Variants in RAPGEF4 observed in about 807,000 individuals in gnomAD.
RAPGEF4 encodes RAP guanine-nucleotide-exchange factor (GEF) 4.
In RAPGEF4, 66 loss-of-function variants were observed where a neutral mutation model predicts 147.9. The ratio of observed to expected loss-of-function variants is 0.45; its 90% confidence interval spans 0.37 to 0.55. The LOEUF is 0.55. RAPGEF4 is among the 20% of genes least tolerant of loss of function. The probability of loss-of-function intolerance (pLI) is 0.00; values close to 1 mark genes in which losing one functional copy is unlikely to be tolerated. For synonymous variants in RAPGEF4, 419 were observed against 442.7 expected, an observed-to-expected ratio of 0.95 and a Z score of 0.67; for missense variants, 1,071 against 1,257.3, an observed-to-expected ratio of 0.85 and a Z score of 2.24.
rs567925621 is a variant in RAPGEF4 at position 172,841,563 on chromosome 2, T to C, written c.444+27138T>C. 4.8e-4 allele frequency among the ~76,000 whole-genome samples: 73 copies of C among 152,254 alleles called. No homozygotes were observed. The South Asian group carries it at 0.011, about 23-fold the overall frequency. ...TTCATGAAGCTTATCCAATGACAGCTGTCTAGGGTGCATGACCTCCATTTT... is the reference window on the plus strand; with the variant it reads ...TTCATGAAGCTTATCCAATGACAGCCGTCTAGGGTGCATGACCTCCATTTT... On this transcript the variant is annotated intron_variant, in intron 4 of 30. Coordinates refer to ENST00000397081, the MANE Select transcript of RAPGEF4 (RefSeq NM_007023.4).
At chr2:172,738,612 C>A (rs1249406043) in intron 1 of RAPGEF4, among the ~76,000 whole-genome samples, 1 of 150,132 alleles carries the variant, frequency 6.7e-6, no homozygotes, top group Non-Finnish European at 1.5e-5. Context: ...GTGACCAAAT[C>A]TAGAGTATAG....
At chr2:172,808,891 G>T (rs1390597049) in intron 3 of RAPGEF4, among the ~76,000 whole-genome samples, 1 of 152,168 alleles carries the variant, frequency 6.6e-6, no homozygotes, top group African/African-American at 2.4e-5. Flanking sequence ...TAGCCTCCAC[G>T]TGGGAGTCCT....
chr2:172,752,605 A>G (rs1695400404), intron 1 of RAPGEF4, among the ~76,000 whole-genome samples: 1 of 152,174 alleles, frequency 6.6e-6, no homozygotes, highest in Admixed American at 6.5e-5. Flanking sequence ...TTTACATTCT[A>G]TTTACCAAAA....
At chr2:172,987,528 G>A (rs1331485269) in intron 12 of RAPGEF4, among the ~76,000 whole-genome samples, 1 of 152,138 alleles carries the variant, frequency 6.6e-6, no homozygotes, top group Non-Finnish European at 1.5e-5. Flanking sequence ...AAAAAAGAAA[G>A]TGGATGGTTG....
chr2:172,996,188 T>C (rs1395293119), intron 15 of RAPGEF4, among the ~76,000 whole-genome samples: 1 of 152,220 alleles, frequency 6.6e-6, no homozygotes, highest in Admixed American at 6.5e-5. Context: ...GTTTCTCAGT[T>C]CCCAGCCTGC....
intron 17 of RAPGEF4, among the ~76,000 whole-genome samples, chr2:173,012,867 T>C (rs545461142): frequency 3.2e-4 from 48 of 152,294 alleles, no homozygotes; most frequent in African/African-American, 1.1e-3. Flanking sequence ...TAAAAAATGG[T>C]CATAAAATAT....
At chr2:172,919,047 G>A (rs1003445646) in intron 5 of RAPGEF4, among the ~76,000 whole-genome samples, 3 of 152,156 alleles carry the variant, frequency 2.0e-5, no homozygotes, top group African/African-American at 7.2e-5. Flanking sequence ...AGGAGGGTGG[G>A]AGGGACAGGT....
chr2:172,906,689 C>G (rs1402426967), intron 4 of RAPGEF4, among the ~76,000 whole-genome samples: 1 of 152,196 alleles, frequency 6.6e-6, no homozygotes, highest in Non-Finnish European at 1.5e-5. Flanking sequence ...TCCTCCTTGG[C>G]AGTGGACAGC....
chr2:172,820,167 G>C (rs1178964757), intron 4 of RAPGEF4, among the ~76,000 whole-genome samples: 2 of 152,152 alleles, frequency 1.3e-5, no homozygotes, highest in Non-Finnish European at 2.9e-5. Context: ...GAAATTGAAT[G>C]AGGTGATGAG....
intron 8 of RAPGEF4, among the ~76,000 whole-genome samples, chr2:172,964,597 T>G (rs1689641174): frequency 6.6e-6 from 1 of 152,060 alleles, no homozygotes; most frequent in Admixed American, 6.5e-5. Context: ...CCTTAGCCCG[T>G]GCCCCAGAGG....
intron 1 of RAPGEF4, among the ~76,000 whole-genome samples, chr2:172,782,628 C>T (rs16860869): frequency 0.016 from 2,422 of 152,244 alleles, 28 homozygotes; most frequent in South Asian, 0.043. Flanking sequence ...AGAGCCTTTG[C>T]TTACTATGGT....
intron 4 of RAPGEF4, among the ~76,000 whole-genome samples, chr2:172,820,116 G>A (rs1003645678): frequency 7.9e-5 from 12 of 152,116 alleles, no homozygotes; most frequent in African/African-American, 2.4e-4. Context: ...TCAGGTTTGT[G>A]GCATGTTTTG....
chr2:172,970,384 A>T (rs1314116221), intron 10 of RAPGEF4, among the ~76,000 whole-genome samples: 1 of 152,180 alleles, frequency 6.6e-6, no homozygotes, highest in African/African-American at 2.4e-5. Context: ...GTGCTAAGTC[A>T]TTAAGAAATG....
At chr2:172,946,748 A>C (rs561753709) in intron 6 of RAPGEF4, among the ~76,000 whole-genome samples, 1 of 152,306 alleles carries the variant, frequency 6.6e-6, no homozygotes, top group Admixed American at 6.5e-5. Flanking sequence ...TCTATAAAAT[A>C]CTTGTGTATA....
chr2:173,017,452 T>C lies in RAPGEF4; in HGVS notation c.1956T>C (p.Asn652=), dbSNP rs1695610728. Residue 652 remains asparagine, a synonymous_variant, in exon 21 of 31, where the codon AAT becomes AAC. Coordinates refer to ENST00000397081, the MANE Select transcript of RAPGEF4 (RefSeq NM_007023.4). ...ACAAGGTTCTTTTGCAACAGTTCAA[T>C]ACGGGCGATGAGAGAGCCCAGAAGC... ...KKHKVLLQQF[N]TGDERAQKRQ... The C allele has an allele frequency of 1.9e-6, 3 of 1,614,202 alleles. No individual in the cohort carries two copies. The highest frequency in any genetic ancestry group is 2.5e-6 in the Non-Finnish European group (3 of 1,180,026).
Position 172,980,241 on chromosome 2 carries a change from G to T in RAPGEF4, c.1005-3255G>T, listed in dbSNP as rs369630542. On this transcript the variant is annotated intron_variant, in intron 10 of 30. Transcript: ENST00000397081. Reference sequence around the variant, plus strand: ...AAGGAAGTTAAGATCTGGTTTCCAGGAGCGTTGTGTGATGAAGAGGGAGCA... The same window carrying T: ...AAGGAAGTTAAGATCTGGTTTCCAGTAGCGTTGTGTGATGAAGAGGGAGCA... Among the ~76,000 whole-genome samples the T allele has an allele frequency of 1.3e-4, 20 of 152,278 alleles. 1 individual carries two copies. Among genetic ancestry groups the T allele is most frequent in the African/African-American group, 4.3e-4 (18 of 41,566 alleles).
chr2:172,940,935 A>G (rs534978523), intron 6 of RAPGEF4, among the ~76,000 whole-genome samples: 1 of 152,304 alleles, frequency 6.6e-6, no homozygotes, highest in African/African-American at 2.4e-5. Context: ...TATGCCCTGT[A>G]CATGTTTTGT....
chr2:172,914,319 ATTTTTTTTTT>A (rs573065663), intron 4 of RAPGEF4, among the ~76,000 whole-genome samples: 2 of 62,448 alleles, frequency 3.2e-5, no homozygotes, highest in African/African-American at 1.3e-4. Context: ...GGAAATATGC[ATTTTTTTTTT>A]TTTTTTTTTT....
At chr2:172,762,612 C>T (rs1484335382) in intron 1 of RAPGEF4, among the ~76,000 whole-genome samples, 1 of 152,168 alleles carries the variant, frequency 6.6e-6, no homozygotes, top group African/African-American at 2.4e-5. Context: ...AGGCAGGGGA[C>T]AGAAGAAGAG....
Sources: gnomAD v4.1 joint callset for allele counts (sites outside exome capture counted in the v4.1 genomes callset) on GRCh38, gnomAD v4.1.1 for gene constraint, MANE v1.5 for transcripts, NCBI Gene and HGNC (gene_info 2026-07-23, HGNC 2026-07-21) for gene names.